The following RTL9 variants were observed in gnomAD, a reference collection of about 807,000 sequenced individuals.
RTL9 encodes retrotransposon Gag like 9, also known as retrotransposon Gag-like protein 9.
A neutral mutation model predicts 44.7 loss-of-function variants in RTL9; 19 were observed. That is an observed-to-expected ratio of 0.42 (90% confidence interval 0.30 to 0.62). RTL9 has a LOEUF of 0.62. Among genes scored for constraint, RTL9 ranks in the 20% least tolerant of loss-of-function variants. RTL9 has a pLI of 0.16. For missense variants in RTL9, 1,105 were observed against 1,080.6 expected (o/e 1.02, Z -0.32); for synonymous variants, 407 against 398.9 (o/e 1.02, Z -0.24).
intron 1 of RTL9, among the ~76,000 whole-genome samples, chrX:110,426,403 C>G (rs1186258588): frequency 9.0e-6 from 1 of 111,684 alleles, no homozygotes; most frequent in Non-Finnish European, 1.9e-5. Context: ...AGTCTGCTTG[C>G]CCACGGAGGA....
At chrX:110,408,342 G>A (rs1602978689) in intron 1 of RTL9, among the ~76,000 whole-genome samples, 1 of 111,942 alleles carries the variant, frequency 8.9e-6, no homozygotes, top group African/African-American at 3.3e-5. Context: ...TGCCCCCTAG[G>A]GGACTTTTGG....
At chrX:110,404,710 T>C (rs923275025) in intron 1 of RTL9, among the ~76,000 whole-genome samples, 115 of 111,599 alleles carry the variant, frequency 1.0e-3, no homozygotes, top group African/African-American at 3.6e-3. Flanking sequence ...CTAAAGGCCA[T>C]TTCTGACCAC....
At chrX:110,376,638 C>T (rs1253226807) in intron 1 of RTL9, among the ~76,000 whole-genome samples, 1 of 112,392 alleles carries the variant, frequency 8.9e-6, no homozygotes, top group East Asian at 2.8e-4. Context: ...AAAAGAAACT[C>T]TTTTAGTGGA....
At chrX:110,365,262 G>A (rs1175301250) in intron 1 of RTL9, among the ~76,000 whole-genome samples, 1 of 111,663 alleles carries the variant, frequency 9.0e-6, no homozygotes, top group African/African-American at 3.3e-5. Flanking sequence ...AGGGTCAGGA[G>A]CCTGCATTTT....
chrX:110,420,472 G>A (rs2068709057), intron 1 of RTL9, among the ~76,000 whole-genome samples: 1 of 112,257 alleles, frequency 8.9e-6, no homozygotes, highest in African/African-American at 3.2e-5. Context: ...TCTCACCACA[G>A]GGTACAAGAA....
intron 1 of RTL9, among the ~76,000 whole-genome samples, chrX:110,412,049 GC>G (rs1388623978): frequency 8.9e-6 from 1 of 112,964 alleles, no homozygotes; most frequent in Non-Finnish European, 1.9e-5. Context: ...AAGGGCCTAT[GC>G]CCTATTAAAA....
chrX:110,367,725 G>T (rs770613885), intron 1 of RTL9, among the ~76,000 whole-genome samples: 1 of 110,733 alleles, frequency 9.0e-6, no homozygotes, highest in Non-Finnish European at 1.9e-5. Flanking sequence ...GGTTATTTAG[G>T]CCAAAGCCTT....
At chrX:110,366,894 G>A (rs960191164) in intron 1 of RTL9, among the ~76,000 whole-genome samples, 9 of 111,660 alleles carry the variant, frequency 8.1e-5, no homozygotes, top group Non-Finnish European at 1.7e-4. Flanking sequence ...GCTCCTGGGT[G>A]GCTTTTTTAC....
chrX:110,392,889 A>G (rs1354911671), intron 1 of RTL9, among the ~76,000 whole-genome samples: 2 of 112,174 alleles, frequency 1.8e-5, no homozygotes, highest in Non-Finnish European at 3.8e-5. Context: ...GATGGTATGT[A>G]TATGTGAGTT....
At chrX:110,392,406 G>C (rs1052771006) in intron 1 of RTL9, among the ~76,000 whole-genome samples, 1 of 108,464 alleles carries the variant, frequency 9.2e-6, no homozygotes, top group African/African-American at 3.4e-5. Context: ...CTCCCAAGTA[G>C]TTAGGACTTA....
At chrX:110,386,594 GAT>G (rs909312514) in intron 1 of RTL9, among the ~76,000 whole-genome samples, 2 of 111,505 alleles carry the variant, frequency 1.8e-5, no homozygotes, top group African/African-American at 6.5e-5. Context: ...TCTCTTGTCA[GAT>G]ATATGTTTGT....
chrX:110,377,918 A>C (rs2068389236), intron 1 of RTL9, among the ~76,000 whole-genome samples: 1 of 102,389 alleles, frequency 9.8e-6, no homozygotes, highest in Admixed American at 1.1e-4. Context: ...CTGAGGCAGG[A>C]GAATGGCGTG....
chrX:110,450,846 C>T (rs1462505114), exon 1 of RTL9: 3 of 1,211,657 alleles, frequency 2.5e-6, no homozygotes, highest in Non-Finnish European at 2.2e-6. Flanking sequence ...CATGTCTGCA[C>T]CTCTAATGGG....
chrX:110,397,928 G>A (rs1310568178), intron 1 of RTL9, among the ~76,000 whole-genome samples: 1 of 112,260 alleles, frequency 8.9e-6, no homozygotes, highest in Admixed American at 9.4e-5. Flanking sequence ...TGATTCTAAA[G>A]CTGACAAGAA....
At chrX:110,381,776 G>A (rs1231246264) in intron 1 of RTL9, among the ~76,000 whole-genome samples, 1 of 110,830 alleles carries the variant, frequency 9.0e-6, no homozygotes, top group Admixed American at 9.6e-5. Flanking sequence ...ATGGGAACAT[G>A]GATGCAGCTG....
chrX:110,399,033 A>G (rs1322295328), intron 1 of RTL9, among the ~76,000 whole-genome samples: 1 of 112,214 alleles, frequency 8.9e-6, no homozygotes, highest in Non-Finnish European at 1.9e-5. Context: ...GCCGTTTCTC[A>G]GTGAATGTCT....
chrX:110,385,336 G>A (rs1406954915), intron 1 of RTL9, among the ~76,000 whole-genome samples: 1 of 111,644 alleles, frequency 9.0e-6, no homozygotes, highest in Non-Finnish European at 1.9e-5. Context: ...CAGCTTTATT[G>A]AGATATAATT....
At chrX:110,414,878 C>T (rs1383024844), upstream of RTL9, among the ~76,000 whole-genome samples, 1 of 112,295 alleles carries the variant, frequency 8.9e-6, no homozygotes, top group Non-Finnish European at 1.9e-5. Context: ...TCACTGCATC[C>T]ACTACCACTT....
chrX:110,449,244 A>G (rs1471231353), upstream of RTL9, among the ~76,000 whole-genome samples: 1 of 111,987 alleles, frequency 8.9e-6, no homozygotes, highest in Non-Finnish European at 1.9e-5. Context: ...AAGATAAAGG[A>G]AGAGTACAAC....
Sources: allele counts gnomAD v4.1 joint callset (sites outside exome capture counted in the v4.1 genomes callset), GRCh38; gene constraint gnomAD v4.1.1; transcripts MANE v1.5; gene names NCBI Gene and HGNC (gene_info 2026-07-23, HGNC 2026-07-21).